Variants in TTC7B observed in about 807,000 individuals in gnomAD.
TTC7B encodes the protein tetratricopeptide repeat domain 7B, also known as tetratricopeptide repeat protein 7B.
A neutral mutation model predicts 106.8 loss-of-function variants in TTC7B; 28 were observed. The ratio of observed to expected loss-of-function variants is 0.26; its 90% CI spans 0.19 to 0.36. The LOEUF is 0.36. Among genes scored for constraint, TTC7B ranks in the 10% least tolerant of loss-of-function variants. TTC7B has a pLI of 1.00. For missense variants in TTC7B, 862 were observed against 1,076.4 expected (o/e 0.80, Z 2.79); for synonymous variants, 405 against 430.6 (o/e 0.94, Z 0.74).
chr14:90,744,799 A>G lies in TTC7B; in HGVS notation c.569T>C (p.Ile190Thr). The change falls in exon 4 of 20, where the codon ATA becomes ACA. Residue 190 changes from isoleucine (I) to threonine (T), a missense_variant. By Grantham distance (89) the Ile-to-Thr change is moderately conservative. Coordinates refer to ENST00000328459, the MANE Select transcript of TTC7B (RefSeq NM_001010854.2). ...CACGTGGTCCTCACTTACCCTTTCT[A>G]TCTCTTGGAGATACAGGAGTGCGAT... is the stretch of plus-strand genomic sequence containing the variant. ...GDIALLYLQE[I>T]ERVILSNIQN... 6.2e-7 allele frequency: 1 copy of G among 1,613,236 alleles called. No homozygotes were observed. The highest frequency in any genetic ancestry group is 2.2e-5 in the East Asian group (1 of 44,876).
Position 90,663,450 on chromosome 14 carries a change from G to A in TTC7B, c.1153-5063C>T, listed in dbSNP as rs1886285748. On this transcript the variant is annotated intron_variant, in intron 9 of 19. Transcript: ENST00000328459. The surrounding 1 kb of genome is among the most constrained non-coding windows in gnomAD (Gnocchi z 4.5). ...ACTGTTTCAGAGACTCAGCGATATG[G>A]TTTTTTTTTTGCTGCTAATGGGGAC... Among the ~76,000 whole-genome samples, 1 of 150,120 alleles carries A rather than the reference G, an allele frequency of 6.7e-6. No individual in the cohort carries two copies.
At chr14:90,775,630 A>G (rs1164270603) in intron 3 of TTC7B, among the ~76,000 whole-genome samples, 5 of 152,104 alleles carry the variant, frequency 3.3e-5, no homozygotes, top group African/African-American at 1.2e-4. Flanking sequence ...ACCTGGGCAC[A>G]GAGGTTACTC....
chr14:90,775,168 C>A (rs1425005981), intron 3 of TTC7B, among the ~76,000 whole-genome samples: 1 of 152,140 alleles, frequency 6.6e-6, no homozygotes, highest in Non-Finnish European at 1.5e-5. Context: ...AAAAAGCCGG[C>A]CTCTCCCCTC....
At chr14:90,629,246 T>TG (rs1173852594) in intron 15 of TTC7B, among the ~76,000 whole-genome samples, 1 of 151,810 alleles carries the variant, frequency 6.6e-6, no homozygotes, top group African/African-American at 2.4e-5. Flanking sequence ...AGGTTCCTTT[T>TG]TTTTTCTTTT....
At chr14:90,651,250 A>G (rs916609065) in intron 13 of TTC7B, among the ~76,000 whole-genome samples, 1 of 152,266 alleles carries the variant, frequency 6.6e-6, no homozygotes, top group South Asian at 2.1e-4. Flanking sequence ...TTGAAATAAA[A>G]TGAAAAACAT....
intron 1 of TTC7B, among the ~76,000 whole-genome samples, chr14:90,796,071 C>A (rs114638280): frequency 6.6e-6 from 1 of 152,170 alleles, no homozygotes; most frequent in Non-Finnish European, 1.5e-5. Context: ...CTCTCCGGCA[C>A]GCCATGCACA....
At chr14:90,710,391 T>C in intron 5 of TTC7B, among the ~76,000 whole-genome samples, 1 of 152,226 alleles carries the variant, frequency 6.6e-6, no homozygotes, top group East Asian at 1.9e-4. Flanking sequence ...CTACTCCTGG[T>C]GAAGATTCTG....
chr14:90,806,912 CAA>C (rs61410290), intron 1 of TTC7B, among the ~76,000 whole-genome samples: 23 of 151,772 alleles, frequency 1.5e-4, no homozygotes, highest in African/African-American at 5.6e-4. Context: ...ATCTCAAAAA[CAA>C]AAAGAGTGAG....
At chr14:90,598,115 G>A (rs527659103) in intron 17 of TTC7B, among the ~76,000 whole-genome samples, 4 of 152,318 alleles carry the variant, frequency 2.6e-5, no homozygotes, top group Non-Finnish European at 2.9e-5. Flanking sequence ...AGCGGCTGCC[G>A]TGCTCCGTCT....
rs113772220 is a variant in TTC7B at position 90,570,221 on chromosome 14, G to A, written c.2310+7885C>T. Among the ~76,000 whole-genome samples the A allele has an allele frequency of 1.1e-3, 164 of 152,180 alleles. 1 individual carries two copies. Among genetic ancestry groups the A allele is most frequent in the African/African-American group, 3.7e-3 (155 of 41,432 alleles). On this transcript the variant is annotated intron_variant, in intron 19 of 19. Coordinates refer to ENST00000328459, the MANE Select transcript of TTC7B (RefSeq NM_001010854.2). The surrounding 1 kb of genome is among the most constrained non-coding windows in gnomAD (Gnocchi z 4.0). Reference sequence around the variant, plus strand: ...TACACTGACATCCCACTGTGCTGGAGTGTTCCATTAATCAGCCTGACCAAG... The same window carrying A: ...TACACTGACATCCCACTGTGCTGGAATGTTCCATTAATCAGCCTGACCAAG...
intron 18 of TTC7B, among the ~76,000 whole-genome samples, chr14:90,587,300 T>C (rs1248004048): frequency 1.3e-5 from 2 of 152,356 alleles, no homozygotes; most frequent in East Asian, 3.9e-4. Context: ...AGCTTTCCAA[T>C]GATTTTAGGA....
intron 16 of TTC7B, among the ~76,000 whole-genome samples, chr14:90,614,779 A>G (rs2139845307): frequency 6.6e-6 from 1 of 152,374 alleles, no homozygotes; most frequent in Non-Finnish European, 1.5e-5. Flanking sequence ...GGCCTAGTAC[A>G]GTGCTGGCAT....
chr14:90,701,675 C>T (rs1481175758), intron 5 of TTC7B, among the ~76,000 whole-genome samples: 5 of 141,380 alleles, frequency 3.5e-5, no homozygotes, highest in Non-Finnish European at 6.3e-5. Context: ...TATCAGTACT[C>T]ATTCCAAAAG....
intron 15 of TTC7B, among the ~76,000 whole-genome samples, chr14:90,627,211 C>G (rs771960050): frequency 1.7e-4 from 26 of 152,190 alleles, no homozygotes; most frequent in South Asian, 1.2e-3. Flanking sequence ...TTCTTGAACT[C>G]CCGGGCTCAA....
intron 17 of TTC7B, among the ~76,000 whole-genome samples, 164 bp downstream of exon 17, chr14:90,610,578 C>G (rs1268518242): frequency 6.6e-6 from 1 of 152,182 alleles, no homozygotes; most frequent in Non-Finnish European, 1.5e-5. Context: ...TGAAGAAACA[C>G]TTGAGAAAGA....
chr14:90,787,111 G>A (rs1473231280), intron 1 of TTC7B, among the ~76,000 whole-genome samples: 1 of 152,172 alleles, frequency 6.6e-6, no homozygotes, highest in African/African-American at 2.4e-5. Context: ...TGACCTGAAC[G>A]CAAGTCTGTA....
chr14:90,654,677 G>A (rs767834333), intron 12 of TTC7B, among the ~76,000 whole-genome samples: 9 of 152,162 alleles, frequency 5.9e-5, no homozygotes, highest in Admixed American at 2.0e-4. Context: ...CCAAGTGGTG[G>A]GACAGGGGCA....
At chr14:90,766,775 G>A (rs1890695101) in intron 3 of TTC7B, 8 of 1,575,626 alleles carry the variant, frequency 5.1e-6, no homozygotes, top group South Asian at 4.4e-5. Flanking sequence ...ATCCCAGACT[G>A]GTTCTTGAAC....
At position 90,551,119 on chromosome 14, in the gene TTC7B, C is replaced by G. The variant is rs1260640176; in HGVS notation, c.2311-9530G>C. ...AAAATCCCAGAACCCACCCGCAGAG[C>G]CAACACTCTTACAGAGGAGAAAACA... On this transcript the variant is annotated intron_variant, in intron 19 of 19. Transcript: ENST00000328459. 2.6e-5 allele frequency among the ~76,000 whole-genome samples: 4 copies of G among 152,180 alleles called. No individual in the cohort carries two copies. In the East Asian group the frequency reaches 7.7e-4, roughly 29 times the overall value.
Sources: allele counts gnomAD v4.1 joint callset (sites outside exome capture counted in the v4.1 genomes callset), GRCh38; gene constraint gnomAD v4.1.1; non-coding constraint Gnocchi (gnomAD v3.1); transcripts MANE v1.5; gene names NCBI Gene and HGNC (gene_info 2026-07-23, HGNC 2026-07-21).